The following TNS3 variants were observed in gnomAD, a reference collection of about 807,000 sequenced individuals.
TNS3 encodes tensin 3, also known as tensin-3.
TNS3 carries 45 observed loss-of-function variants against 140.9 expected under a neutral mutation model. The observed-to-expected ratio is 0.32, with a 90% confidence interval of 0.25 to 0.41. The LOEUF (loss-of-function observed/expected upper bound fraction) is 0.41, where lower values mean the gene tolerates loss of function less well. TNS3 is among the 10% of genes least tolerant of loss of function. The pLI is 1.00. For missense variants in TNS3, 1,716 were observed against 1,906.7 expected (o/e 0.90, Z 1.86); for synonymous variants, 815 against 788.4 (o/e 1.03, Z -0.56).
chr7:47,278,460 T>C, intron 30 of TNS3: 1 of 512,842 alleles, frequency 1.9e-6, no homozygotes. Context: ...GAGAGGTGAG[T>C]GCCCTGTCCA....
chr7:47,539,608 TGGCTG>T, intron 1 of TNS3: 1 of 167,868 alleles, frequency 6.0e-6, no homozygotes, highest in East Asian at 1.6e-4. Context: ...TTCTCCTTTC[TGGCTG>T]AAAACCGCTG....
At chr7:47,400,946 G>A (rs1793124564) in intron 13 of TNS3, 32 bp from the exon 14 acceptor site, 1 of 1,612,462 alleles carries the variant, frequency 6.2e-7, no homozygotes, top group African/African-American at 1.3e-5. Context: ...AAACAAAGTA[G>A]CTGCAGCGGG....
intron 20 of TNS3, among the ~76,000 whole-genome samples, chr7:47,337,959 A>G (rs1252994295): frequency 6.6e-6 from 1 of 152,250 alleles, no homozygotes; most frequent in East Asian, 1.9e-4. Context: ...ATGGAATCAT[A>G]CACTATACAG....
At chr7:47,446,653 G>A (rs944868230) in intron 4 of TNS3, among the ~76,000 whole-genome samples, 1 of 127,582 alleles carries the variant, frequency 7.8e-6, no homozygotes, top group African/African-American at 2.8e-5. Flanking sequence ...ACCTGCAAAA[G>A]GTAAGCCTGC....
intron 15 of TNS3, among the ~76,000 whole-genome samples, chr7:47,397,715 T>C (rs959422773): frequency 5.3e-5 from 8 of 152,300 alleles, no homozygotes; most frequent in African/African-American, 1.9e-4. Context: ...TAGCACTAAA[T>C]GCCTACATCA....
In TNS3 at chr7:47,369,069, C is replaced by T. The variant is rs1400161436; in HGVS notation, c.1577G>A (p.Gly526Asp). The T allele has an allele frequency of 1.9e-6, 3 of 1,614,080 alleles. No individual in the cohort carries two copies. The highest frequency in any genetic ancestry group is 2.5e-6 in the Non-Finnish European group (3 of 1,180,032). The change falls in exon 17 of 31, where the codon GGC (glycine) becomes GAC (aspartate). Residue 526 changes from glycine to aspartate, a missense_variant. By Grantham distance (94) the Gly-to-Asp change is moderately conservative. This residue lies in a region of TNS3 where 1,163 missense variants were observed against 1,182.1 expected (regional missense o/e 0.98). Transcript: ENST00000311160. ...SQNSLLSDGF[G>D]SNVGEDPQGT... ...CTGCGGATCTTCACCAACGTTGCTGCCAAAACCGTCAGATAGGAGTGAGTT... is the reference window on the plus strand; with the variant it reads ...CTGCGGATCTTCACCAACGTTGCTGTCAAAACCGTCAGATAGGAGTGAGTT...
intron 4 of TNS3, among the ~76,000 whole-genome samples, chr7:47,460,199 C>A (rs1433627539): frequency 3.8e-5 from 5 of 130,630 alleles, no homozygotes; most frequent in Non-Finnish European, 7.8e-5. Flanking sequence ...GGCGACAGAG[C>A]AAGACTCTGT....
intron 1 of TNS3, among the ~76,000 whole-genome samples, chr7:47,571,447 G>A (rs1232288043): frequency 1.3e-5 from 2 of 152,242 alleles, no homozygotes; most frequent in Non-Finnish European, 2.9e-5. Flanking sequence ...CACCCACGCT[G>A]GGGACTTCCT....
chr7:47,578,064 A>G (rs1007241087), intron 1 of TNS3, among the ~76,000 whole-genome samples: 11 of 151,704 alleles, frequency 7.3e-5, no homozygotes, highest in Non-Finnish European at 1.6e-4. Context: ...CTGTAACCCC[A>G]CGCTTTGGGA....
At position 47,303,242 on chromosome 7, in the gene TNS3, C is replaced by T; in HGVS notation, c.3165G>A (p.Leu1055=). The T allele has an allele frequency of 6.2e-7, 1 of 1,613,804 alleles. No homozygotes were observed. The highest frequency in any genetic ancestry group is 8.5e-7 in the Non-Finnish European group (1 of 1,180,018). The change falls in exon 22 of 31, where the codon CTG becomes CTA. Residue 1055 remains leucine, a synonymous_variant. Transcript: ENST00000311160. The stretch of plus-strand genomic sequence containing the variant: ...CATTGTCGGCAGCCCCTGTCGCTGT[C>T]AGCGGGATGCTGGGGGTCGGTGACG... ...HGASPTPSIP[L]TATGAADNGF... is the part of the protein sequence containing the mutation.
intron 20 of TNS3, among the ~76,000 whole-genome samples, chr7:47,314,955 T>C (rs918925138): frequency 1.3e-5 from 2 of 152,228 alleles, no homozygotes; most frequent in Non-Finnish European, 1.5e-5. Context: ...GGTTTTCCGG[T>C]GCAGGCCAAC....
At chr7:47,577,990 A>G (rs1000990388) in intron 1 of TNS3, among the ~76,000 whole-genome samples, 10 of 152,022 alleles carry the variant, frequency 6.6e-5, no homozygotes, top group African/African-American at 1.9e-4. Flanking sequence ...CCAGGAGACA[A>G]AAGAGTAGTA....
chr7:47,287,266 A>T (rs1785470412), intron 27 of TNS3, among the ~76,000 whole-genome samples: 1 of 152,234 alleles, frequency 6.6e-6, no homozygotes, highest in Admixed American at 6.5e-5. Flanking sequence ...GGCTTAAAAC[A>T]CAAATAGAAA....
chr7:47,488,984 G>A (rs1797712654), intron 3 of TNS3, among the ~76,000 whole-genome samples: 1 of 152,176 alleles, frequency 6.6e-6, no homozygotes, highest in Admixed American at 6.5e-5. Context: ...GAGGACATTC[G>A]AGACTTTATT....
intron 16 of TNS3, among the ~76,000 whole-genome samples, chr7:47,395,023 T>C (rs1792744938): frequency 6.6e-6 from 1 of 152,236 alleles, no homozygotes; most frequent in African/African-American, 2.4e-5. Context: ...TGCTCCCCTC[T>C]TACGGCATTG....
chr7:47,460,226 A>C (rs1468712193), intron 4 of TNS3, among the ~76,000 whole-genome samples: 2 of 40,918 alleles, frequency 4.9e-5, no homozygotes, highest in Non-Finnish European at 1.2e-4. Context: ...AAAAAAAAAA[A>C]AAAAAAAAAA....
At chr7:47,430,104 A>G (rs1251864733) in intron 8 of TNS3, among the ~76,000 whole-genome samples, 3 of 151,128 alleles carry the variant, frequency 2.0e-5, no homozygotes, top group Non-Finnish European at 2.9e-5. Context: ...GTATAAAGCA[A>G]GTATTTCTTT....
At chr7:47,321,628 A>T (rs1787741255) in intron 20 of TNS3, among the ~76,000 whole-genome samples, 1 of 152,172 alleles carries the variant, frequency 6.6e-6, no homozygotes, top group South Asian at 2.1e-4. Context: ...CTGTCCCGGG[A>T]CAGAACTGGA....
chr7:47,380,766 G>GCACACACACA (rs113541286), intron 16 of TNS3, among the ~76,000 whole-genome samples: 7 of 140,894 alleles, frequency 5.0e-5, no homozygotes, highest in South Asian at 2.3e-4. Context: ...ATATGCACGC[G>GCACACACACA]CGCGCACACA....
Sources: allele counts gnomAD v4.1 joint callset (sites outside exome capture counted in the v4.1 genomes callset), GRCh38; gene constraint gnomAD v4.1.1; regional missense constraint gnomAD v4.1.1; transcripts MANE v1.5; gene names NCBI Gene and HGNC (gene_info 2026-07-23, HGNC 2026-07-21).